TMEM248: variants seen among roughly 807,000 people sequenced by gnomAD.
The protein encoded by TMEM248 is transmembrane protein 248.
TMEM248 carries 9 observed loss-of-function variants against 30.3 expected under a neutral mutation model. The ratio of observed to expected loss-of-function variants is 0.30; its 90% confidence interval spans 0.18 to 0.52. The LOEUF (loss-of-function observed/expected upper bound fraction) is 0.52, where lower values mean the gene tolerates loss of function less well. TMEM248 is among the 20% of genes least tolerant of loss of function. The pLI is 0.97. For missense variants in TMEM248, 338 were observed against 403.3 expected (o/e 0.84, Z 1.39); for synonymous variants, 184 against 154.4 (o/e 1.19, Z -1.42).
intron 3 of TMEM248, among the ~76,000 whole-genome samples, chr7:66,946,100 A>AG (rs1554336637): frequency 2.0e-5 from 3 of 149,038 alleles, no homozygotes; most frequent in Admixed American, 6.7e-5. Flanking sequence ...AAAAAAAAAA[A>AG]GAAGTCAGCT....
At chr7:66,948,355 C>T (rs1041866298) in intron 3 of TMEM248, among the ~76,000 whole-genome samples, 189 bp from the exon 4 acceptor site, 9 of 152,298 alleles carry the variant, frequency 5.9e-5, no homozygotes, top group African/African-American at 1.7e-4. Flanking sequence ...TTCGCTGCTT[C>T]GTGGCTCTGA....
rs975792760 is a variant in TMEM248 at position 66,936,946 on chromosome 7, ATTTC to A, written c.-18-4899_-18-4896del. Among the ~76,000 whole-genome samples the A allele has an allele frequency of 2.0e-5, 3 of 150,904 alleles. No homozygotes were observed. In the South Asian group the frequency reaches 6.3e-4, roughly 32 times the overall value. On this transcript the variant is annotated intron_variant, in intron 1 of 6. Transcript: ENST00000341567. Reference sequence around the variant, plus strand: ...ATTTATTTCTGCTCTGATCTTTATTATTTCTTCTAATTTTGTGTTTGGTTTGCTC... The same window carrying A: ...ATTTATTTCTGCTCTGATCTTTATTATTCTAATTTTGTGTTTGGTTTGCTC...
chr7:66,951,241 C>A, intron 5 of TMEM248, 106 bp downstream of exon 5: 1 of 1,088,476 alleles, frequency 9.2e-7, no homozygotes, highest in Non-Finnish European at 1.2e-6. Context: ...CCTGGGTAAG[C>A]GTATCCTCTG....
chr7:66,929,757 C>G (rs916907064), intron 1 of TMEM248, among the ~76,000 whole-genome samples: 5 of 151,996 alleles, frequency 3.3e-5, no homozygotes, highest in African/African-American at 4.8e-5. Flanking sequence ...GCTGAGGGTG[C>G]AGGGAGGCAG....
Position 66,956,101 on chromosome 7 carries a change from G to GT in TMEM248, c.*585dup, listed in dbSNP as rs1287686054. On this transcript the variant is annotated 3_prime_UTR_variant, in exon 7 of 7. Transcript: ENST00000341567. Reference sequence around the variant, plus strand: ...TTTTTTGTTTTGTTTTTGTTTTTTTGTTTTTTGTTTTCCTTTATGAAGAAA... The same window carrying GT: ...TTTTTTGTTTTGTTTTTGTTTTTTTGTTTTTTTGTTTTCCTTTATGAAGAAA... The GT allele has an allele frequency of 6.6e-6, 1 of 151,972 alleles. No individual in the cohort carries two copies. The highest frequency in any genetic ancestry group is 1.5e-5 in the Non-Finnish European group (1 of 67,912). The allele number at this position is 151,972 out of a possible 1,614,324, so 9.4% of individuals were successfully genotyped here.
intron 4 of TMEM248, among the ~76,000 whole-genome samples, 197 bp from the exon 5 acceptor site, chr7:66,950,755 T>C (rs969489953): frequency 6.6e-6 from 1 of 152,228 alleles, no homozygotes; most frequent in African/African-American, 2.4e-5. Context: ...TTTTCTGTTA[T>C]ATTTTTATTT....
At chr7:66,947,050 G>GA (rs764519661) in intron 3 of TMEM248, among the ~76,000 whole-genome samples, 43 of 151,784 alleles carry the variant, frequency 2.8e-4, no homozygotes, top group South Asian at 6.3e-4. Flanking sequence ...CTGTCTTTAT[G>GA]AAAAAATTAA....
intron 1 of TMEM248, among the ~76,000 whole-genome samples, chr7:66,937,743 T>G (rs1791842001): frequency 6.6e-6 from 1 of 152,154 alleles, no homozygotes; most frequent in Admixed American, 6.6e-5. Context: ...GGAGTTTTGC[T>G]CTTGTTGCCC....
At chr7:66,951,225 G>T in intron 5 of TMEM248, 90 bp downstream of exon 5, 2 of 1,275,724 alleles carry the variant, frequency 1.6e-6, no homozygotes, top group South Asian at 2.0e-5. Context: ...AGGCCCTGCT[G>T]ACTTCCCTGG....
intron 1 of TMEM248, among the ~76,000 whole-genome samples, chr7:66,932,310 T>G (rs999039024): frequency 3.3e-5 from 5 of 152,198 alleles, no homozygotes; most frequent in African/African-American, 1.2e-4. Flanking sequence ...GTTTTGAAAG[T>G]TTATAACACA....
Position 66,941,895 on chromosome 7 carries a change from G to A in TMEM248, c.30G>A (p.Leu10=), listed in dbSNP as rs150147824. The A allele has an allele frequency of 1.3e-4, 217 of 1,614,162 alleles. No individual in the cohort carries two copies. The highest frequency in any genetic ancestry group is 1.7e-4 in the Non-Finnish European group (203 of 1,180,012). The change falls in exon 2 of 7, where the codon CTG becomes CTA. Residue 10 remains leucine, a synonymous_variant. Coordinates refer to ENST00000341567, the MANE Select transcript of TMEM248 (RefSeq NM_017994.5). MFSINPLEN[L]KVYISSRPPL... is the part of the protein sequence containing the mutation. ...TCAGCATCAACCCCCTGGAGAACCTGAAGGTGTACATCAGCAGTCGGCCTC... is the reference window on the plus strand; with the variant it reads ...TCAGCATCAACCCCCTGGAGAACCTAAAGGTGTACATCAGCAGTCGGCCTC...
At chr7:66,922,120 G>T (rs1258312385) in intron 1 of TMEM248, 1 of 152,236 alleles carries the variant, frequency 6.6e-6, no homozygotes, top group East Asian at 1.9e-4. Context: ...GGAAGAATCT[G>T]ATGTCTGAGT....
intron 3 of TMEM248, among the ~76,000 whole-genome samples, chr7:66,947,589 A>G (rs1048911786): frequency 1.3e-5 from 2 of 152,002 alleles, no homozygotes; most frequent in African/African-American, 4.8e-5. Context: ...TTTAGTGGAG[A>G]CAGGATTTTA....
chr7:66,948,960 C>G (rs1413057202), intron 4 of TMEM248, among the ~76,000 whole-genome samples: 2 of 152,136 alleles, frequency 1.3e-5, no homozygotes, highest in Non-Finnish European at 2.9e-5. Context: ...GTTGGACATT[C>G]ATAGGCTGTC....
chr7:66,951,309 A>C, intron 5 of TMEM248, 174 bp downstream of exon 5: 1 of 503,544 alleles, frequency 2.0e-6, no homozygotes, highest in South Asian at 6.9e-5. Context: ...TGCTTGGAAA[A>C]ACATGTTACC....
At chr7:66,927,639 T>TTTA (rs1554334825) in intron 1 of TMEM248, among the ~76,000 whole-genome samples, 2 of 150,008 alleles carry the variant, frequency 1.3e-5, no homozygotes, top group Admixed American at 1.3e-4. Flanking sequence ...TTTTTTTTTT[T>TTTA]AGGGACGGGG....
Position 66,951,123 on chromosome 7 carries a change from G to C in TMEM248, c.768G>C (p.Val256=). 4.4e-6 allele frequency: 7 copies of C among 1,585,312 alleles called. No individual in the cohort carries two copies. Among genetic ancestry groups the C allele is most frequent in the Non-Finnish European group, 6.0e-6 (7 of 1,166,340 alleles). Residue 256 remains valine (V), a synonymous_variant, in exon 5 of 7, where the codon GTG becomes GTC. Transcript: ENST00000341567. ...VYHALNPKLT[V]IVPDDDRSLI... Reference sequence around the variant, plus strand: ...ATGCTTTAAATCCCAAGCTTACAGTGATTGTTCCAGATGTAAGTGAGAAAA... The same window carrying C: ...ATGCTTTAAATCCCAAGCTTACAGTCATTGTTCCAGATGTAAGTGAGAAAA...
chr7:66,933,652 A>T (rs1302582729), intron 1 of TMEM248, among the ~76,000 whole-genome samples: 1 of 152,150 alleles, frequency 6.6e-6, no homozygotes, highest in Admixed American at 6.5e-5. Flanking sequence ...GTTGCTAGAG[A>T]TATCTTTGGG....
intron 3 of TMEM248, among the ~76,000 whole-genome samples, chr7:66,945,720 G>A (rs962443432): frequency 5.3e-5 from 8 of 152,226 alleles, no homozygotes; most frequent in Non-Finnish European, 1.0e-4. Context: ...GGAGGCCGAG[G>A]TGGGTGGATT....
Sources: gnomAD v4.1 joint callset for allele counts (sites outside exome capture counted in the v4.1 genomes callset) on GRCh38, gnomAD v4.1.1 for gene constraint, MANE v1.5 for transcripts, NCBI Gene and HGNC (gene_info 2026-07-23, HGNC 2026-07-21) for gene names.